The following BABAM2 variants were observed in gnomAD, a reference collection of about 807,000 sequenced individuals.
BABAM2 encodes the protein BRISC and BRCA1 A complex member 2, also known as BRISC and BRCA1-A complex member 2.
Under a neutral mutation model 54.7 loss-of-function variants are expected in BABAM2, and 31 were observed. The observed-to-expected ratio is 0.57, with a 90% CI of 0.43 to 0.77. BABAM2 has a LOEUF of 0.77. BABAM2 is among the 30% of genes least tolerant of loss of function. BABAM2 has a pLI of 0.00. For missense variants in BABAM2, 364 were observed against 455.8 expected (o/e 0.80, Z 1.83); for synonymous variants, 167 against 162.9 (o/e 1.03, Z -0.19).
intron 11 of BABAM2, among the ~76,000 whole-genome samples, chr2:28,324,602 G>A (rs983929124): frequency 4.7e-5 from 7 of 149,502 alleles, no homozygotes; most frequent in South Asian, 2.1e-4. Context: ...AGTGAGACCC[G>A]TAACATAGCA....
intron 7 of BABAM2, among the ~76,000 whole-genome samples, chr2:28,165,529 C>CCT (rs1388699279): frequency 2.8e-4 from 20 of 72,272 alleles, no homozygotes; most frequent in Non-Finnish European, 4.3e-4. Flanking sequence ...TTTTTCCTTG[C>CCT]TTTTTTTTTT....
chr2:27,921,201 G>T (rs557937491), intron 2 of BABAM2, among the ~76,000 whole-genome samples: 1 of 152,200 alleles, frequency 6.6e-6, no homozygotes, highest in African/African-American at 2.4e-5. Flanking sequence ...TCAAGTTACG[G>T]GGGGCTTGTT....
intron 10 of BABAM2, among the ~76,000 whole-genome samples, chr2:28,267,226 T>C (rs1685057066): frequency 6.6e-6 from 1 of 152,072 alleles, no homozygotes; most frequent in African/African-American, 2.4e-5. Flanking sequence ...TTTCTCCCAG[T>C]GGTATCATCT....
At chr2:28,188,381 A>G (rs1393777073) in intron 7 of BABAM2, among the ~76,000 whole-genome samples, 4 of 152,214 alleles carry the variant, frequency 2.6e-5, no homozygotes, top group Non-Finnish European at 5.9e-5. Context: ...AGGGAACCCT[A>G]CATTTTAAGG....
intron 2 of BABAM2, among the ~76,000 whole-genome samples, chr2:27,917,296 G>A (rs1363118384): frequency 6.6e-6 from 1 of 152,126 alleles, no homozygotes; most frequent in Non-Finnish European, 1.5e-5. Context: ...AATTATAGGC[G>A]TGAGCCACCA....
intron 5 of BABAM2, among the ~76,000 whole-genome samples, chr2:28,038,593 C>T (rs1382916797): frequency 6.6e-6 from 1 of 152,048 alleles, no homozygotes; most frequent in Non-Finnish European, 1.5e-5. Context: ...TGTGTGTGTG[C>T]TCAGTGTTTA....
At chr2:28,291,222 T>C (rs1008725699) in intron 10 of BABAM2, among the ~76,000 whole-genome samples, 6 of 152,324 alleles carry the variant, frequency 3.9e-5, no homozygotes, top group Admixed American at 2.0e-4. Flanking sequence ...TACCATGCTG[T>C]CTCTTTCCAT....
chr2:28,213,824 A>G (rs1188017828), intron 7 of BABAM2, among the ~76,000 whole-genome samples: 1 of 152,048 alleles, frequency 6.6e-6, no homozygotes, highest in Non-Finnish European at 1.5e-5. Flanking sequence ...TTGCTTGGAT[A>G]TAAAAAGCCA....
At chr2:28,110,970 C>CT (rs551330384) in intron 6 of BABAM2, among the ~76,000 whole-genome samples, 3,003 of 133,076 alleles carry the variant, frequency 0.023, 105 homozygotes, top group African/African-American at 0.063. Flanking sequence ...TTGGCTGTTT[C>CT]TTTTTTTTTT....
In BABAM2 at chr2:28,329,204, G is replaced by T. The variant is rs1346699801; in HGVS notation, c.1089-9246G>T. Among the ~76,000 whole-genome samples, 1 of 152,228 alleles carries T rather than the reference G, an allele frequency of 6.6e-6. No homozygotes were observed. The highest frequency in any genetic ancestry group is 1.9e-4 in the East Asian group (1 of 5,192). Reference sequence around the variant, plus strand: ...TAACTTATGCTTCCTGAGCTAGAGGGCAGAGGGGTGGCCGAGAGGAACAGG... The same window carrying T: ...TAACTTATGCTTCCTGAGCTAGAGGTCAGAGGGGTGGCCGAGAGGAACAGG... On this transcript the variant is annotated intron_variant, in intron 11 of 11. Transcript: ENST00000379624. This position sits in a 1 kb window ranked among gnomAD's most constrained non-coding sequence, Gnocchi z 4.2.
chr2:28,297,991 C>T (rs185065414), intron 10 of BABAM2, among the ~76,000 whole-genome samples: 3 of 152,236 alleles, frequency 2.0e-5, no homozygotes, highest in Non-Finnish European at 4.4e-5. Flanking sequence ...ATATTGATCC[C>T]GGGAAGTGCT....
chr2:27,974,063 T>G (rs1671413351), intron 3 of BABAM2, among the ~76,000 whole-genome samples: 1 of 152,182 alleles, frequency 6.6e-6, no homozygotes, highest in African/African-American at 2.4e-5. Flanking sequence ...AAAAAAAATC[T>G]TTCACAAATG....
At chr2:28,171,049 A>T (rs1674264522) in intron 7 of BABAM2, among the ~76,000 whole-genome samples, 1 of 152,148 alleles carries the variant, frequency 6.6e-6, no homozygotes, top group South Asian at 2.1e-4. Context: ...GTATGTGAAC[A>T]TATCCTTTCT....
intron 10 of BABAM2, among the ~76,000 whole-genome samples, chr2:28,282,505 G>A (rs911751667): frequency 6.6e-6 from 1 of 152,118 alleles, no homozygotes; most frequent in African/African-American, 2.4e-5. Context: ...TATAGCACTT[G>A]TAGATACAGC....
chr2:28,274,354 CTTAA>C (rs1479415296), intron 10 of BABAM2, among the ~76,000 whole-genome samples: 1 of 152,200 alleles, frequency 6.6e-6, no homozygotes, highest in Non-Finnish European at 1.5e-5. Context: ...TGAATGGTTC[CTTAA>C]TTGTCATATG....
chr2:27,895,119 A>G (rs573664254), intron 2 of BABAM2: 18 of 154,308 alleles, frequency 1.2e-4, no homozygotes, highest in Non-Finnish European at 2.2e-4. Flanking sequence ...TGAAACAGCA[A>G]GATCTCACAC....
intron 10 of BABAM2, among the ~76,000 whole-genome samples, chr2:28,269,583 G>A (rs1685251122): frequency 6.6e-6 from 1 of 152,180 alleles, no homozygotes; most frequent in Admixed American, 6.5e-5. Flanking sequence ...TTCTCATACA[G>A]CAAACCTTTT....
At chr2:28,209,816 G>A (rs896260483) in intron 7 of BABAM2, among the ~76,000 whole-genome samples, 3 of 152,108 alleles carry the variant, frequency 2.0e-5, no homozygotes, top group Non-Finnish European at 2.9e-5. Context: ...ATATAGACAT[G>A]TTTTACCTGG....
intron 7 of BABAM2, among the ~76,000 whole-genome samples, chr2:28,204,431 C>A (rs919874392): frequency 6.6e-6 from 1 of 152,068 alleles, no homozygotes; most frequent in East Asian, 1.9e-4. Context: ...TGCAAACCTT[C>A]GGGAGAAGTA....
Sources: gnomAD v4.1 joint callset for allele counts (sites outside exome capture counted in the v4.1 genomes callset) on GRCh38, gnomAD v4.1.1 for gene constraint, Gnocchi (gnomAD v3.1) non-coding constraint, MANE v1.5 for transcripts, NCBI Gene and HGNC (gene_info 2026-07-23, HGNC 2026-07-21) for gene names.